Variants in IRAK1BP1 observed in about 807,000 individuals in gnomAD.
IRAK1BP1 encodes the protein interleukin 1 receptor associated kinase 1 binding protein 1.
A neutral mutation model predicts 28.0 loss-of-function variants in IRAK1BP1; 24 were observed. The ratio of observed to expected loss-of-function variants is 0.86; its 90% confidence interval spans 0.62 to 1.20. The LOEUF (loss-of-function observed/expected upper bound fraction) is 1.20, where lower values mean the gene tolerates loss of function less well. Ranked by LOEUF, IRAK1BP1 falls within the 50% of genes most tolerant of loss-of-function variation. The probability of loss-of-function intolerance (pLI) is 0.00; values close to 1 mark genes in which losing one functional copy is unlikely to be tolerated. For synonymous variants in IRAK1BP1, 131 were observed against 116.3 expected, an observed-to-expected ratio of 1.13 and a Z score of -0.81; for missense variants, 336 against 316.7, an observed-to-expected ratio of 1.06 and a Z score of -0.46.
downstream of IRAK1BP1, among the ~76,000 whole-genome samples, chr6:78,903,686 A>G (rs866344147): frequency 3.3e-5 from 5 of 151,660 alleles, no homozygotes; most frequent in African/African-American, 9.7e-5. Flanking sequence ...CCCAAATGCC[A>G]TGTCGCTTAC....
intron 4 of IRAK1BP1, among the ~76,000 whole-genome samples, chr6:78,928,824 T>C (rs1772962793): frequency 2.0e-5 from 3 of 152,184 alleles, no homozygotes; most frequent in Admixed American, 6.5e-5. Flanking sequence ...GATTGATTTG[T>C]ATATGTTGAC....
the IRAK1BP1 span, among the ~76,000 whole-genome samples, chr6:78,954,547 T>C: frequency 6.6e-6 from 1 of 151,754 alleles, no homozygotes; most frequent in South Asian, 2.1e-4. Context: ...AAAATTCAGA[T>C]GAGAAAACTA....
chr6:78,942,751 A>C (rs556863966), intron 4 of IRAK1BP1, among the ~76,000 whole-genome samples: 2 of 152,348 alleles, frequency 1.3e-5, no homozygotes, highest in African/African-American at 2.4e-5. Flanking sequence ...TATCCAGTAC[A>C]TGTACCTACT....
rs1259018486 is a variant in IRAK1BP1, at chr6:78,900,137, G to A, written c.*1803G>A. 6.6e-6 allele frequency: 1 copy of A among 152,152 alleles called. No individual in the cohort carries two copies. The highest frequency in any genetic ancestry group is 2.4e-5 in the African/African-American group (1 of 41,430). 9.4% of individuals were successfully genotyped at this position (152,152 alleles called of 1,614,324 possible). On this transcript the variant is annotated 3_prime_UTR_variant, in exon 4 of 4. Transcript: ENST00000369940. ...CACACTAGCCATATTTCAAGTACTT[G>A]AAGGCCACAAATGGCTTGAGACTAC...
At chr6:78,892,875 AAC>A (rs1465388838) in intron 2 of IRAK1BP1, among the ~76,000 whole-genome samples, 3 of 152,152 alleles carry the variant, frequency 2.0e-5, no homozygotes, top group African/African-American at 7.2e-5. Flanking sequence ...TCCATAATGA[AAC>A]ACAGAAAAGA....
the IRAK1BP1 span, among the ~76,000 whole-genome samples, chr6:78,963,492 C>T: frequency 1.3e-5 from 2 of 152,134 alleles, no homozygotes; most frequent in South Asian, 4.1e-4. Flanking sequence ...ACCTGAAAAT[C>T]TGCTCTGTAA....
the IRAK1BP1 span, among the ~76,000 whole-genome samples, chr6:78,974,271 T>G: frequency 6.6e-6 from 1 of 152,148 alleles, no homozygotes; most frequent in African/African-American, 2.4e-5. Context: ...TGCTCCTGAA[T>G]GACTACTGGG....
chr6:78,903,231 C>A, downstream of IRAK1BP1: 1 of 539,106 alleles, frequency 1.9e-6, no homozygotes, highest in Non-Finnish European at 3.2e-6. Context: ...ATGTGTAATC[C>A]CAACACTTCG....
At chr6:78,885,140 T>G (rs1014622723) in intron 1 of IRAK1BP1, among the ~76,000 whole-genome samples, 1 of 152,116 alleles carries the variant, frequency 6.6e-6, no homozygotes, top group African/African-American at 2.4e-5. Flanking sequence ...TTATACAAAT[T>G]GAAAAGAATA....
chr6:78,959,249 T>C, the IRAK1BP1 span, among the ~76,000 whole-genome samples: 1 of 152,146 alleles, frequency 6.6e-6, no homozygotes, highest in African/African-American at 2.4e-5. Context: ...ATATGTGGCC[T>C]GACTTAAAAT....
At chr6:78,941,656 T>A (rs1173590043) in intron 4 of IRAK1BP1, among the ~76,000 whole-genome samples, 1 of 152,102 alleles carries the variant, frequency 6.6e-6, no homozygotes, top group Non-Finnish European at 1.5e-5. Context: ...AAGTTACTCT[T>A]GGTCAAAAAC....
intron 4 of IRAK1BP1, among the ~76,000 whole-genome samples, chr6:78,934,145 T>C (rs1030390020): frequency 2.6e-5 from 4 of 152,294 alleles, no homozygotes; most frequent in South Asian, 4.1e-4. Flanking sequence ...TGGCCATTTA[T>C]TGGAACAGTC....
At chr6:78,880,649 A>T (rs1398357299) in intron 1 of IRAK1BP1, among the ~76,000 whole-genome samples, 1 of 152,188 alleles carries the variant, frequency 6.6e-6, no homozygotes, top group South Asian at 2.1e-4. Context: ...CTGATGAAGG[A>T]CTTGTATCAA....
At chr6:78,916,332 G>C (rs1772558316) in intron 4 of IRAK1BP1, among the ~76,000 whole-genome samples, 1 of 152,048 alleles carries the variant, frequency 6.6e-6, no homozygotes, top group Non-Finnish European at 1.5e-5. Context: ...AGTGCAAGAA[G>C]GTCCTCTTGG....
In IRAK1BP1 at chr6:78,897,971, C is replaced by T. The variant is rs755892324; in HGVS notation, c.512+12C>T. Reference sequence around the variant, plus strand: ...GTTGAGAATCTTCGGTAAGTTTAAGCACATCTTTAACTAAGATATTCTTTA... The same window carrying T: ...GTTGAGAATCTTCGGTAAGTTTAAGTACATCTTTAACTAAGATATTCTTTA... On this transcript the variant is annotated intron_variant, in intron 3 of 3. Transcript: ENST00000369940. The T allele has an allele frequency of 1.9e-6, 3 of 1,612,856 alleles. No individual in the cohort carries two copies. Among genetic ancestry groups the T allele is most frequent in the East Asian group, 2.2e-5 (1 of 44,864 alleles).
chr6:78,937,708 A>C (rs1773327992), intron 4 of IRAK1BP1: 1 of 151,758 alleles, frequency 6.6e-6, no homozygotes, highest in Non-Finnish European at 1.5e-5. Flanking sequence ...TACATGCAGA[A>C]AATAGTCCAA....
chr6:78,897,720 A>G, intron 2 of IRAK1BP1, 109 bp from the exon 3 acceptor site: 1 of 793,672 alleles, frequency 1.3e-6, no homozygotes, highest in Non-Finnish European at 1.9e-6. Context: ...TCTGTTACAT[A>G]CTATAAAATG....
the IRAK1BP1 span, chr6:78,965,891 A>G: frequency 7.3e-7 from 1 of 1,374,376 alleles, no homozygotes; most frequent in Non-Finnish European, 1.0e-6. Context: ...ATAGATGGAA[A>G]AAAAAATTCA....
exon 5 of IRAK1BP1, chr6:78,945,739 G>C: frequency 1.7e-6 from 1 of 600,872 alleles, no homozygotes; most frequent in Non-Finnish European, 2.9e-6. Context: ...TTGGCAAATT[G>C]CTAGCTAGTG....
Sources: allele counts gnomAD v4.1 joint callset (sites outside exome capture counted in the v4.1 genomes callset), GRCh38; gene constraint gnomAD v4.1.1; transcripts MANE v1.5; gene names NCBI Gene and HGNC (gene_info 2026-07-23, HGNC 2026-07-21).